FAT1: variants seen among roughly 807,000 people sequenced by gnomAD.
The protein encoded by FAT1 is protocadherin Fat 1.
In FAT1, 171 loss-of-function variants were observed where a neutral mutation model predicts 329.8. The observed-to-expected ratio is 0.52, with a 90% CI of 0.46 to 0.59. The LOEUF (loss-of-function observed/expected upper bound fraction) is 0.59. FAT1 is among the 20% of genes least tolerant of loss of function. The pLI is 0.00. For missense variants in FAT1, 5,672 were observed against 5,774.4 expected (o/e 0.98, Z 0.57); for synonymous variants, 2,233 against 2,228.6 (o/e 1.00, Z -0.06).
chr4:186,616,218 C>T (rs576849663), intron 11 of FAT1, among the ~76,000 whole-genome samples: 3 of 152,234 alleles, frequency 2.0e-5, no homozygotes, highest in South Asian at 4.2e-4. Flanking sequence ...TCTACCTTAC[C>T]GATATAAAAG....
Position 186,628,597 on chromosome 4 carries a change from C to T in FAT1, c.4490G>A (p.Arg1497Lys), listed in dbSNP as rs1478411144. The change falls in exon 8 of 27, where the codon AGA becomes AAA. Residue 1497 changes from arginine to lysine, a missense_variant. Arg to Lys is a conservative substitution (Grantham distance 26). This residue lies in a region of FAT1 where 3,966 missense variants were observed against 3,915.2 expected (regional missense o/e 1.01). Transcript: ENST00000441802. Reference sequence around the variant, plus strand: ...AAATTTCTTGAGACTCAGTGGATCTCTACTGCTCTGCAGAGTGTAGATTAG... The same window carrying T: ...AAATTTCTTGAGACTCAGTGGATCTTTACTGCTCTGCAGAGTGTAGATTAG... The part of the protein sequence containing the change: ...NKLIYTLQSS[R>K]DPLSLKKFRL... The T allele has an allele frequency of 6.2e-7, 1 of 1,613,970 alleles. No homozygotes were observed. Among genetic ancestry groups the T allele is most frequent in the East Asian group, 2.2e-5 (1 of 44,872 alleles).
Position 186,706,813 on chromosome 4 carries a change from G to T in FAT1, c.3015C>A (p.Asp1005Glu), listed in dbSNP as rs1744634883. 6.2e-7 allele frequency: 1 copy of T among 1,613,946 alleles called. No homozygotes were observed. Among genetic ancestry groups the T allele is most frequent in the Non-Finnish European group, 8.5e-7 (1 of 1,179,892 alleles). The change falls in exon 2 of 27, where the codon GAC becomes GAA. Residue 1005 changes from aspartate to glutamate, a missense_variant. By Grantham distance (45) the Asp-to-Glu change is conservative (BLOSUM62 2). Around this residue, in one of 2 missense-constraint regions of FAT1, gnomAD observed 3,966 missense variants for 3,915.2 expected, o/e 1.01. Coordinates refer to ENST00000441802, the MANE Select transcript of FAT1 (RefSeq NM_005245.4). ...QVYNLTVRAKDKGKPVSLSST... is the reference protein window; with the variant it reads ...QVYNLTVRAKEKGKPVSLSST... ...AAGACAGAGAAACTGGCTTTCCCTT[G>T]TCTTTGGCCCTCACAGTGAGATTAT...
intron 2 of FAT1, among the ~76,000 whole-genome samples, chr4:186,671,488 A>G (rs894696313): frequency 6.6e-6 from 1 of 152,134 alleles, no homozygotes; most frequent in Non-Finnish European, 1.5e-5. Context: ...ACCTGAGGTC[A>G]GGAGTTAAAG....
chr4:186,662,013 C>T (rs372717571), intron 3 of FAT1, among the ~76,000 whole-genome samples: 8 of 144,328 alleles, frequency 5.5e-5, no homozygotes, highest in South Asian at 2.3e-4. Context: ...TCCTCCCCCC[C>T]GCCCCCCGGC....
In FAT1 at chr4:186,620,509, C is replaced by T. The variant is rs1348547779; in HGVS notation, c.6077G>A (p.Ser2026Asn). 3 of 1,613,856 alleles carry T rather than the reference C, an allele frequency of 1.9e-6. No homozygotes were observed. The East Asian group carries it at 6.7e-5, about 36-fold the overall frequency. Residue 2026 changes from serine to asparagine, a missense_variant, in exon 10 of 27, where the codon AGC (serine) becomes AAC (asparagine). Coordinates refer to ENST00000441802, the MANE Select transcript of FAT1 (RefSeq NM_005245.4). ...ILNPDRRFKI[S>N]RTSGVLSTTG... The stretch of plus-strand genomic sequence containing the variant: ...GGTTGACAGAACTCCTGAAGTGCGG[C>T]TTATTTTAAATCTGCGATCTGGGTT...
At position 186,603,779 on chromosome 4, in the gene FAT1, C is replaced by A. The variant is rs749223648; in HGVS notation, c.10747G>T (p.Asp3583Tyr). The change falls in exon 19 of 27, where the codon GAC becomes TAC. Residue 3583 changes from aspartate (D) to tyrosine (Y), a missense_variant. Around this residue, in one of 2 missense-constraint regions of FAT1, gnomAD observed 1,706 missense variants for 1,859.1 expected, o/e 0.92. Coordinates refer to ENST00000441802, the MANE Select transcript of FAT1 (RefSeq NM_005245.4). ...GAGAACAGGTTGTCCATCTGAGGGT[C>A]GAGACTGTAGGTTAGAGTATCATAC... ...DVYDTLTYSL[D>Y]PQMDNLFSVS... 1.9e-6 allele frequency: 3 copies of A among 1,613,848 alleles called. No homozygotes were observed. The highest frequency in any genetic ancestry group is 1.3e-5 in the African/African-American group (1 of 75,010).
intron 2 of FAT1, among the ~76,000 whole-genome samples, chr4:186,697,068 C>A (rs987379433): frequency 1.3e-5 from 2 of 152,042 alleles, no homozygotes; most frequent in Non-Finnish European, 2.9e-5. Context: ...TTCTGTCTGC[C>A]AAGGGAGCTA....
intron 2 of FAT1, among the ~76,000 whole-genome samples, chr4:186,685,133 T>C (rs1023594402): frequency 2.0e-5 from 3 of 152,200 alleles, no homozygotes; most frequent in Admixed American, 1.3e-4. Context: ...CTCACCTTTC[T>C]TTCATGACAG....
chr4:186,637,320 A>G lies in FAT1; in HGVS notation c.3643-406T>C, dbSNP rs543248316. Among the ~76,000 whole-genome samples the G allele has an allele frequency of 3.9e-5, 6 of 152,252 alleles. No homozygotes were observed. The South Asian group carries it at 1.2e-3, about 32-fold the overall frequency. On this transcript the variant is annotated intron_variant, in intron 4 of 26. Transcript: ENST00000441802. Reference sequence around the variant, plus strand: ...TAAAGAGTCTTCTTAAAAACAACACACTCTACATACTTAAAAACAAAATTT... The same window carrying G: ...TAAAGAGTCTTCTTAAAAACAACACGCTCTACATACTTAAAAACAAAATTT...
chr4:186,610,013 C>A lies in FAT1; in HGVS notation c.9856G>T (p.Ala3286Ser), dbSNP rs1158918764. 1 of 1,599,960 alleles carries A rather than the reference C, an allele frequency of 6.3e-7. No individual in the cohort carries two copies. The highest frequency in any genetic ancestry group is 1.7e-5 in the Admixed American group (1 of 59,872). Residue 3286 changes from alanine (A) to serine (S), a missense_variant and splice_region_variant, in exon 15 of 27, where the codon GCC (alanine) becomes TCC (serine). Coordinates refer to ENST00000441802, the MANE Select transcript of FAT1 (RefSeq NM_005245.4). ...GKFSIDSKTG[A>S]VFIIENLDYE... ...TCCAGATTCTCAATGATAAATACGG[C>A]CCCTGAATAGAAATCAAAATTACTT...
chr4:186,641,115 G>C (rs1212834520), intron 3 of FAT1, among the ~76,000 whole-genome samples: 1 of 152,272 alleles, frequency 6.6e-6, no homozygotes, highest in East Asian at 1.9e-4. Flanking sequence ...TAAGTGAAAG[G>C]CTTGTGTTTT....
chr4:186,652,722 T>C (rs552266160), intron 3 of FAT1, among the ~76,000 whole-genome samples: 135 of 152,178 alleles, frequency 8.9e-4, no homozygotes, highest in Non-Finnish European at 1.8e-3. Context: ...CGGAAACCCC[T>C]GGAAGTTGTT....
chr4:186,707,459 A>C lies in FAT1; in HGVS notation c.2369T>G (p.Leu790Arg). 1 of 1,614,020 alleles carries C rather than the reference A, an allele frequency of 6.2e-7. No homozygotes were observed. The highest frequency in any genetic ancestry group is 8.5e-7 in the Non-Finnish European group (1 of 1,179,896). The change falls in exon 2 of 27, where the codon CTG becomes CGG. Residue 790 changes from leucine (L) to arginine (R), a missense_variant. Physicochemically the swap from Leu to Arg is moderately radical, Grantham distance 102. Around this residue, in one of 2 missense-constraint regions of FAT1, gnomAD observed 3,966 missense variants for 3,915.2 expected, o/e 1.01. Transcript: ENST00000441802. ...LDRETTDKYT[L>R]NITVYDLGIP... is the part of the protein sequence containing the mutation. ...CCCAAGGTCATAGACGGTAATATTC[A>C]GGGTGTATTTGTCTGTTGTTTCACG...
intron 10 of FAT1, among the ~76,000 whole-genome samples, chr4:186,617,420 G>C (rs911022967): frequency 5.3e-5 from 8 of 152,108 alleles, no homozygotes; most frequent in African/African-American, 1.9e-4. Flanking sequence ...CATTTAGCCT[G>C]CATTAAAACT....
chr4:186,594,231 G>A (rs1280093), intron 26 of FAT1, among the ~76,000 whole-genome samples: 78,876 of 151,556 alleles, frequency 0.52, 20,811 homozygotes, highest in Admixed American at 0.6. Context: ...ACGCCCGGCT[G>A]ATTTTTTTTA....
chr4:186,687,126 A>G (rs1309377357), intron 2 of FAT1, among the ~76,000 whole-genome samples: 2 of 152,344 alleles, frequency 1.3e-5, no homozygotes, highest in Middle Eastern at 3.4e-3. Flanking sequence ...AGATCGAGAA[A>G]AGGTAAGTTA....
At chr4:186,632,278 T>C (rs973179817) in intron 7 of FAT1, among the ~76,000 whole-genome samples, 4 of 152,180 alleles carry the variant, frequency 2.6e-5, no homozygotes, top group South Asian at 2.1e-4. Flanking sequence ...GTAGGGTCTT[T>C]AGTAATGAGA....
At chr4:186,717,073 G>T (rs561965058) in intron 1 of FAT1, among the ~76,000 whole-genome samples, 1 of 152,096 alleles carries the variant, frequency 6.6e-6, no homozygotes, top group Non-Finnish European at 1.5e-5. Flanking sequence ...AGCGTAAATG[G>T]CTTTTTAAAA....
At chr4:186,716,851 G>A (rs753456571) in intron 1 of FAT1, among the ~76,000 whole-genome samples, 1 of 152,096 alleles carries the variant, frequency 6.6e-6, no homozygotes, top group Non-Finnish European at 1.5e-5. Flanking sequence ...CGGTGCAATC[G>A]TGGCTCACTG....
Sources: gnomAD v4.1 joint callset for allele counts (sites outside exome capture counted in the v4.1 genomes callset) on GRCh38, gnomAD v4.1.1 for gene constraint, gnomAD v4.1.1 regional missense constraint, MANE v1.5 for transcripts, NCBI Gene and HGNC (gene_info 2026-07-23, HGNC 2026-07-21) for gene names.